The following HSD3B2 variants were observed in gnomAD, a reference collection of about 807,000 sequenced individuals.
HSD3B2 encodes 3 beta-hydroxysteroid dehydrogenase/Delta 5-->4-isomerase type 2.
Under a neutral mutation model 9.9 loss-of-function variants are expected in HSD3B2, and 8 were observed. The observed-to-expected ratio is 0.81, with a 90% CI of 0.47 to 1.46. The LOEUF is 1.46. Ranked by LOEUF, HSD3B2 falls within the 40% of genes most tolerant of loss-of-function variation. The pLI is 0.00. For synonymous variants in HSD3B2, 221 were observed against 184.5 expected (o/e 1.20, Z -1.60); for missense variants, 410 against 448.3 (o/e 0.91, Z 0.77).
chr1:119,418,000 A>C (rs1651756183), intron 2 of HSD3B2, among the ~76,000 whole-genome samples: 1 of 152,180 alleles, frequency 6.6e-6, no homozygotes, highest in Non-Finnish European at 1.5e-5. Flanking sequence ...GCAAGCTGTG[A>C]GCCGTATGCA....
intron 3 of HSD3B2, 78 bp downstream of exon 3, chr1:119,419,660 T>C: frequency 9.4e-6 from 13 of 1,379,334 alleles, no homozygotes; most frequent in Middle Eastern, 1.8e-4. Context: ...GGAAGAGAAG[T>C]CACTCCATTG....
At chr1:119,417,348 C>A (rs751319964) in intron 2 of HSD3B2, 1 of 152,172 alleles carries the variant, frequency 6.6e-6, no homozygotes, top group Admixed American at 6.5e-5. Context: ...TCAAAAATTG[C>A]GCTTTTCTGG....
At chr1:119,418,327 T>C (rs1434594874) in intron 2 of HSD3B2, among the ~76,000 whole-genome samples, 1 of 152,180 alleles carries the variant, frequency 6.6e-6, no homozygotes, top group African/African-American at 2.4e-5. Flanking sequence ...CTCCTCCCAG[T>C]TGCCCAAGCA....
chr1:119,421,667 G>A, intron 3 of HSD3B2, 142 bp from the exon 4 acceptor site: 1 of 956,902 alleles, frequency 1.0e-6, no homozygotes, highest in Non-Finnish European at 1.7e-6. Context: ...CCCAATCTCA[G>A]TCAGAGCCAC....
At chr1:119,419,646 A>T in intron 3 of HSD3B2, 64 bp downstream of exon 3, 1 of 1,515,288 alleles carries the variant, frequency 6.6e-7, no homozygotes, top group Non-Finnish European at 9.1e-7. Context: ...GAAGGACAAG[A>T]AAGGGAAGAG....
chr1:119,420,462 C>A (rs894373445), intron 3 of HSD3B2, among the ~76,000 whole-genome samples: 1 of 152,058 alleles, frequency 6.6e-6, no homozygotes, highest in Non-Finnish European at 1.5e-5. Context: ...ATAGCCATAC[C>A]CCTAAGTACC....
At chr1:119,416,726 C>T (rs1322098087) in intron 2 of HSD3B2, among the ~76,000 whole-genome samples, 1 of 152,232 alleles carries the variant, frequency 6.6e-6, no homozygotes, top group Non-Finnish European at 1.5e-5. Flanking sequence ...CCTTGACACT[C>T]TCCTCTTCTT....
At chr1:119,415,598 T>C (rs1651683841) in intron 2 of HSD3B2, 37 bp downstream of exon 2, 1 of 1,610,764 alleles carries the variant, frequency 6.2e-7, no homozygotes, top group Admixed American at 1.7e-5. Flanking sequence ...TGGCTCCATC[T>C]TAAACTCTGC....
At chr1:119,421,268 A>G (rs1651848014) in intron 3 of HSD3B2, among the ~76,000 whole-genome samples, 1 of 151,222 alleles carries the variant, frequency 6.6e-6, no homozygotes. Flanking sequence ...TAGATTTTAA[A>G]TGATCTGTCT....
chr1:119,421,913 C>T lies in HSD3B2; in HGVS notation c.412C>T (p.Gln138Ter). The change falls in exon 4 of 4, where the codon CAG becomes TAG. Residue 138 changes from glutamine to a stop codon, truncating the protein, a stop_gained. Transcript: ENST00000369416. LOFTEE classifies it low-confidence loss of function (END_TRUNC). ...AGPNSYKEII[Q>*]NGHEEEPLEN... is the part of the protein sequence containing the mutation. ...GCCCAACTCCTACAAGGAAATCATC[C>T]AGAACGGCCACGAAGAAGAGCCTCT... 1 of 1,614,026 alleles carries T rather than the reference C, an allele frequency of 6.2e-7. No individual in the cohort carries two copies. Among genetic ancestry groups the T allele is most frequent in the Non-Finnish European group, 8.5e-7 (1 of 1,179,984 alleles).
intron 3 of HSD3B2, among the ~76,000 whole-genome samples, chr1:119,421,484 T>TAC (rs1290007539): frequency 1.7e-5 from 1 of 59,060 alleles, no homozygotes; most frequent in Non-Finnish European, 3.1e-5. Flanking sequence ...TATGTATATA[T>TAC]ATATTTTATA....
intron 3 of HSD3B2, among the ~76,000 whole-genome samples, chr1:119,421,012 G>T (rs186679799): frequency 6.6e-6 from 1 of 152,232 alleles, no homozygotes; most frequent in Admixed American, 6.5e-5. Flanking sequence ...AAGGAGTGTG[G>T]GTTTCCAGCA....
chr1:119,420,725 G>T (rs1163504436), intron 3 of HSD3B2, among the ~76,000 whole-genome samples: 1 of 152,164 alleles, frequency 6.6e-6, no homozygotes, highest in Non-Finnish European at 1.5e-5. Context: ...AAATAAAAAT[G>T]ATCCTTTGCC....
At chr1:119,419,271 C>T in intron 2 of HSD3B2, 147 bp from the exon 3 acceptor site, 2 of 756,030 alleles carry the variant, frequency 2.6e-6, no homozygotes, top group Admixed American at 4.1e-5. Flanking sequence ...CTTTTGTTTA[C>T]TTGTTCCTTT....
chr1:119,421,376 TG>T (rs1306518213), intron 3 of HSD3B2, among the ~76,000 whole-genome samples: 1 of 137,608 alleles, frequency 7.3e-6, no homozygotes, highest in African/African-American at 2.8e-5. Flanking sequence ...AAAGTGTGTG[TG>T]TATATATATA....
chr1:119,421,845 G>C lies in HSD3B2; in HGVS notation c.344G>C (p.Ser115Thr), dbSNP rs1651886427. Residue 115 changes from serine (S) to threonine (T), a missense_variant, in exon 4 of 4, where the codon AGT becomes ACT. Transcript: ENST00000369416. ...CTGTTGGAGGCCTGTGTCCAAGCCA[G>C]TGTGCCAGTCTTCATCTACACCAGT... ...QLLLEACVQA[S>T]VPVFIYTSSI... is the part of the protein sequence containing the mutation. The C allele has an allele frequency of 1.9e-6, 3 of 1,613,628 alleles. No homozygotes were observed. The highest frequency in any genetic ancestry group is 2.7e-5 in the African/African-American group (2 of 74,792).
chr1:119,419,385 A>G (rs1651797591), intron 2 of HSD3B2, 33 bp from the exon 3 acceptor site: 1 of 1,612,540 alleles, frequency 6.2e-7, no homozygotes, highest in Non-Finnish European at 8.5e-7. Flanking sequence ...AGATCCAGAA[A>G]TCTTTCCAAT....
chr1:119,417,971 T>C (rs1032808839), intron 2 of HSD3B2, among the ~76,000 whole-genome samples: 8 of 152,110 alleles, frequency 5.3e-5, no homozygotes, highest in African/African-American at 1.2e-4. Flanking sequence ...CCTCACGAGA[T>C]AGCTGTAAAA....
chr1:119,416,239 G>A (rs2854961), intron 2 of HSD3B2, among the ~76,000 whole-genome samples: 37,277 of 151,976 alleles, frequency 0.25, 6,820 homozygotes, highest in African/African-American at 0.51. Context: ...ACAAGTGCAC[G>A]GCACAGAGCA....
Sources: allele counts gnomAD v4.1 joint callset (sites outside exome capture counted in the v4.1 genomes callset), GRCh38; gene constraint gnomAD v4.1.1; transcripts MANE v1.5; gene names NCBI Gene and HGNC (gene_info 2026-07-23, HGNC 2026-07-21).